Variants in CHST6 observed in about 807,000 individuals in gnomAD.
CHST6 encodes N-acetylglucosamine 6-O-sulfotransferase 5.
For missense variants in CHST6, 698 were observed against 586.2 expected, an observed-to-expected ratio of 1.19 and a Z score of -1.97; for synonymous variants, 309 against 276.4, an observed-to-expected ratio of 1.12 and a Z score of -1.17.
At position 75,479,505 on chromosome 16, in the gene CHST6, A is replaced by G. The variant is rs2080111826; in HGVS notation, c.324T>C (p.Asp108=). 1 of 1,612,888 alleles carries G rather than the reference A, an allele frequency of 6.2e-7. No homozygotes were observed. Among genetic ancestry groups the G allele is most frequent in the African/African-American group, 1.3e-5 (1 of 75,026 alleles). Residue 108 remains aspartate (D), a synonymous_variant, in exon 3 of 3, where the codon GAT becomes GAC. Transcript: ENST00000332272. The stretch of plus-strand genomic sequence containing the variant: ...GGTTGCGGCGCCAAGGCAGATAGGC[A>G]TCAAACACGTCCATGTCGCACAGGA... ...SVFLCDMDVF[D]AYLPWRRNLS... is the part of the protein sequence containing the mutation.
chr16:75,480,105 A>G (rs773628082), intron 2 of CHST6, among the ~76,000 whole-genome samples: 16 of 152,018 alleles, frequency 1.1e-4, no homozygotes, highest in South Asian at 4.1e-4. Context: ...TGTGAGTCCT[A>G]CCTTCTTAAT....
rs1355296973 is a variant in CHST6 at position 75,479,124 on chromosome 16, G to A, written c.705C>T (p.Ala235=). ...CGCGCACCACGCGCAGGCCGGGGTC[G>A]GCCTCCACCCACGTGCCGTTGGTGC... is the stretch of plus-strand genomic sequence containing the variant. The part of the protein sequence containing the change: ...VLGTNGTWVE[A]DPGLRVVREV... Residue 235 remains alanine, a synonymous_variant, in exon 3 of 3, where the codon GCC becomes GCT. Coordinates refer to ENST00000332272, the MANE Select transcript of CHST6 (RefSeq NM_021615.5). The A allele has an allele frequency of 2.5e-6, 4 of 1,605,760 alleles. No individual in the cohort carries two copies. Among genetic ancestry groups the A allele is most frequent in the East Asian group, 2.2e-5 (1 of 44,816 alleles).
Position 75,475,786 on chromosome 16 carries a change from C to T in CHST6, c.*2855G>A. The T allele has an allele frequency of 6.6e-6, 1 of 152,316 alleles. No homozygotes were observed. The allele number at this position is 152,316 out of a possible 1,614,324, so 9.4% of individuals were successfully genotyped here. A position where few individuals can be genotyped will look rare whatever the true frequency, so the allele number is the denominator to read the frequency against. On this transcript the variant is annotated 3_prime_UTR_variant, in exon 3 of 3. Coordinates refer to ENST00000332272, the MANE Select transcript of CHST6 (RefSeq NM_021615.5). The stretch of plus-strand genomic sequence containing the variant: ...AACAAAGGACTTGGATACCAAGAGG[C>T]CATTAATTGCAGCCATCAATAAAAT...
At chr16:75,489,916 C>G (rs1052588081) in intron 1 of CHST6, among the ~76,000 whole-genome samples, 1 of 152,052 alleles carries the variant, frequency 6.6e-6, no homozygotes, top group Non-Finnish European at 1.5e-5. Flanking sequence ...GTGGCCCATG[C>G]CTGTAATCCC....
At chr16:75,487,535 T>G (rs1411928865) in intron 1 of CHST6, among the ~76,000 whole-genome samples, 1 of 151,934 alleles carries the variant, frequency 6.6e-6, no homozygotes, top group Non-Finnish European at 1.5e-5. Flanking sequence ...GCGTGGTGGC[T>G]CACGCCTGTA....
chr16:75,493,679 T>G (rs912624266), intron 1 of CHST6, among the ~76,000 whole-genome samples: 1 of 152,150 alleles, frequency 6.6e-6, no homozygotes, highest in Non-Finnish European at 1.5e-5. Context: ...GGGCCACACT[T>G]ATATTCTATG....
rs1461106668 is a variant in CHST6 at position 75,479,805 on chromosome 16, G to C, written c.24C>G (p.Ser8Arg). 2 of 1,569,624 alleles carry C rather than the reference G, an allele frequency of 1.3e-6. No individual in the cohort carries two copies. Among genetic ancestry groups the C allele is most frequent in the Non-Finnish European group, 1.7e-6 (2 of 1,159,400 alleles). Residue 8 changes from serine to arginine, a missense_variant, in exon 3 of 3, where the codon AGC (serine) becomes AGG (arginine). Physicochemically the swap from Ser to Arg is moderately radical, Grantham distance 110. Transcript: ENST00000332272. MWLPRVS[S>R]TAVTALLLAQ... ...CCAGGAGGAGCGCGGTCACTGCTGT[G>C]CTGGAGACGCGCGGCAGCCACATGC...
rs375043854 is a variant in CHST6 at position 75,478,971 on chromosome 16, C to T, written c.858G>A (p.Ala286=). The T allele has an allele frequency of 6.1e-5, 99 of 1,612,850 alleles. No homozygotes were observed. Among genetic ancestry groups the T allele is most frequent in the Admixed American group, 1.3e-4 (8 of 60,008 alleles). ...LAREPLAEIR[A]LYAFTGLSLT... ...GACTGAGCCCAGTGAAGGCGTAGAGCGCACGGATTTCTGCCAGCGGCTCCC... is the reference window on the plus strand; with the variant it reads ...GACTGAGCCCAGTGAAGGCGTAGAGTGCACGGATTTCTGCCAGCGGCTCCC... Residue 286 remains alanine, a synonymous_variant, in exon 3 of 3, where the codon GCG becomes GCA. Transcript: ENST00000332272.
chr16:75,487,803 C>A (rs1357132848), intron 1 of CHST6, among the ~76,000 whole-genome samples: 2 of 139,348 alleles, frequency 1.4e-5, no homozygotes, highest in Non-Finnish European at 3.1e-5. Context: ...ACTCCGTCCC[C>A]CCTAAAAAAA....
chr16:75,484,150 C>G (rs2080170459), intron 1 of CHST6, among the ~76,000 whole-genome samples: 1 of 151,866 alleles, frequency 6.6e-6, no homozygotes, highest in African/African-American at 2.4e-5. Flanking sequence ...CTAGCCTGAC[C>G]AACATGGTGA....
chr16:75,477,553 T>G lies in CHST6; in HGVS notation c.*1088A>C, dbSNP rs1039478345. 2 of 152,314 alleles carry G rather than the reference T, an allele frequency of 1.3e-5. No individual in the cohort carries two copies. Among genetic ancestry groups the G allele is most frequent in the African/African-American group, 4.8e-5 (2 of 41,440 alleles). The allele number at this position is 152,314 out of a possible 1,614,324, so 9.4% of individuals were successfully genotyped here. A position where few individuals can be genotyped will look rare whatever the true frequency, so the allele number is the denominator to read the frequency against. Reference sequence around the variant, plus strand: ...TGGCTAACTCAACTTCCCTGTCCTTTCCAGAGGTTCCATGAGCTCTTCTTT... The same window carrying G: ...TGGCTAACTCAACTTCCCTGTCCTTGCCAGAGGTTCCATGAGCTCTTCTTT... On this transcript the variant is annotated 3_prime_UTR_variant, in exon 3 of 3. Coordinates refer to ENST00000332272, the MANE Select transcript of CHST6 (RefSeq NM_021615.5).
chr16:75,478,443 G>C lies in CHST6; in HGVS notation c.*198C>G. 1.6e-6 allele frequency: 1 copy of C among 618,608 alleles called. No homozygotes were observed. The highest frequency in any genetic ancestry group is 2.8e-5 in the East Asian group (1 of 35,980). The allele number at this position is 618,608 out of a possible 1,614,324, so 38.3% of individuals were successfully genotyped here. On this transcript the variant is annotated 3_prime_UTR_variant, in exon 3 of 3. Transcript: ENST00000332272. ...CATGAAGAGTGCACCTGATGAGAAG[G>C]CAGCTCCAGAGGACTCAAAGGAAAA...
intron 2 of CHST6, 108 bp downstream of exon 2, chr16:75,481,709 G>A: frequency 3.0e-5 from 12 of 405,572 alleles, no homozygotes; most frequent in South Asian, 2.3e-4. Context: ...AGGATGTCCT[G>A]GAGCCCTGTG....
At chr16:75,491,960 G>C (rs1357063809) in intron 1 of CHST6, among the ~76,000 whole-genome samples, 1 of 152,218 alleles carries the variant, frequency 6.6e-6, no homozygotes, top group Middle Eastern at 3.2e-3. Context: ...GCTGGGCCAG[G>C]CTGTGGCTGA....
chr16:75,494,645 G>A (rs1052556000), intron 1 of CHST6, among the ~76,000 whole-genome samples: 1 of 152,198 alleles, frequency 6.6e-6, no homozygotes, highest in Non-Finnish European at 1.5e-5. Context: ...AAAAGCCCTT[G>A]GAGAGCTTTT....
In CHST6 at chr16:75,472,868, T is replaced by C. The variant is rs1223325928; in HGVS notation, c.*5773A>G. On this transcript the variant is annotated 3_prime_UTR_variant, in exon 3 of 3. Coordinates refer to ENST00000332272, the MANE Select transcript of CHST6 (RefSeq NM_021615.5). The stretch of plus-strand genomic sequence containing the variant: ...CCCATCAGCCCATCTAGTGCTTTGA[T>C]TGCCCCTTCTGAGCTCCCACAGCCA... 1.3e-5 allele frequency: 2 copies of C among 152,346 alleles called. No individual in the cohort carries two copies. Among genetic ancestry groups the C allele is most frequent in the South Asian group, 2.1e-4 (1 of 4,828 alleles). 9.4% of individuals were successfully genotyped at this position (152,346 alleles called of 1,614,324 possible).
chr16:75,484,592 G>A (rs1490867600), intron 1 of CHST6, among the ~76,000 whole-genome samples: 1 of 152,160 alleles, frequency 6.6e-6, no homozygotes, highest in East Asian at 1.9e-4. Flanking sequence ...GCTCACGCCT[G>A]TAATCCCAGC....
At position 75,495,002 on chromosome 16, in the gene CHST6, A is replaced by T. The variant is rs886052325; in HGVS notation, c.-154T>A. On this transcript the variant is annotated 5_prime_UTR_variant, in exon 1 of 3. Coordinates refer to ENST00000332272, the MANE Select transcript of CHST6 (RefSeq NM_021615.5). Reference sequence around the variant, plus strand: ...CGGTGGGGGACGCCTCTCTCCCTGGACTCAGCAAAGGCTCCCAAACGTCGT... The same window carrying T: ...CGGTGGGGGACGCCTCTCTCCCTGGTCTCAGCAAAGGCTCCCAAACGTCGT... 6.6e-6 allele frequency: 1 copy of T among 152,368 alleles called. No individual in the cohort carries two copies. The highest frequency in any genetic ancestry group is 2.4e-5 in the African/African-American group (1 of 41,450). 9.4% of individuals were successfully genotyped at this position (152,368 alleles called of 1,614,324 possible).
chr16:75,488,534 T>A (rs1031732593), intron 1 of CHST6, among the ~76,000 whole-genome samples: 3 of 150,406 alleles, frequency 2.0e-5, no homozygotes, highest in Non-Finnish European at 4.4e-5. Context: ...GAGGAGTCAG[T>A]GGCCTTGAGG....
Sources: gnomAD v4.1 joint callset for allele counts (sites outside exome capture counted in the v4.1 genomes callset) on GRCh38, gnomAD v4.1.1 for gene constraint, MANE v1.5 for transcripts, NCBI Gene and HGNC (gene_info 2026-07-23, HGNC 2026-07-21) for gene names.